The following CDK14 variants were observed in gnomAD, a reference collection of about 807,000 sequenced individuals.
CDK14 encodes the protein cyclin dependent kinase 14, also known as cyclin-dependent kinase 14.
CDK14 carries 34 observed loss-of-function variants against 60.7 expected under a neutral mutation model. That is an observed-to-expected ratio of 0.56 (90% CI 0.43 to 0.75). CDK14 has a LOEUF of 0.75. CDK14 is among the 30% of genes least tolerant of loss of function. CDK14 has a pLI of 0.00. For synonymous variants in CDK14, 197 were observed against 203.7 expected (o/e 0.97, Z 0.28); for missense variants, 482 against 564.1 (o/e 0.85, Z 1.47).
At chr7:91,055,629 A>T (rs1797524755) in intron 11 of CDK14, among the ~76,000 whole-genome samples, 1 of 152,212 alleles carries the variant, frequency 6.6e-6, no homozygotes, top group South Asian at 2.1e-4. Flanking sequence ...TCATATCGCT[A>T]AAGTTGATAT....
rs1801002258 is a variant in CDK14, at chr7:91,156,904, T to A, written c.*28+38696T>A. 2.6e-5 allele frequency among the ~76,000 whole-genome samples: 4 copies of A among 152,282 alleles called. No individual in the cohort carries two copies. In the South Asian group the frequency reaches 8.3e-4, roughly 32 times the overall value. Reference sequence around the variant, plus strand: ...AAATGTTGGGGGTTTGAAATGCCATTTTTGGATGGGCCTTCACTTGGATGA... The same window carrying A: ...AAATGTTGGGGGTTTGAAATGCCATATTTGGATGGGCCTTCACTTGGATGA... On this transcript the variant is annotated intron_variant, in intron 14 of 14. Transcript: ENST00000380050.
At chr7:91,141,799 TTTG>T (rs10654091) in intron 14 of CDK14, among the ~76,000 whole-genome samples, 178 of 150,086 alleles carry the variant, frequency 1.2e-3, no homozygotes, top group Middle Eastern at 3.4e-3. Flanking sequence ...AACAGTGGGT[TTTG>T]TTGTTGTTGT....
intron 11 of CDK14, among the ~76,000 whole-genome samples, chr7:91,076,637 A>G (rs139825977): frequency 7.4e-4 from 112 of 152,362 alleles, no homozygotes; most frequent in African/African-American, 2.5e-3. Context: ...AACAAAAGCT[A>G]AAATTGACAA....
intron 5 of CDK14, among the ~76,000 whole-genome samples, chr7:90,842,443 A>G (rs1790331058): frequency 6.6e-6 from 1 of 152,194 alleles, no homozygotes; most frequent in Non-Finnish European, 1.5e-5. Context: ...GTGATCTGGT[A>G]CTGCAGCCTA....
intron 5 of CDK14, among the ~76,000 whole-genome samples, chr7:90,831,911 C>G (rs536123701): frequency 1.3e-5 from 2 of 152,190 alleles, no homozygotes; most frequent in African/African-American, 2.4e-5. Context: ...TCTCACAGCA[C>G]ATGAGGTTCC....
intron 6 of CDK14, among the ~76,000 whole-genome samples, chr7:90,888,763 T>C (rs1792029158): frequency 6.6e-6 from 1 of 152,222 alleles, no homozygotes; most frequent in Non-Finnish European, 1.5e-5. Flanking sequence ...GTTTTTTTTC[T>C]TCCTTTTTAA....
At chr7:91,179,612 C>T (rs1224804422) in intron 14 of CDK14, among the ~76,000 whole-genome samples, 3 of 151,840 alleles carry the variant, frequency 2.0e-5, no homozygotes, top group Admixed American at 2.0e-4. Context: ...AACATCCTGG[C>T]TAACACGGTG....
At chr7:91,093,291 C>T (rs1366541816) in intron 12 of CDK14, among the ~76,000 whole-genome samples, 7 of 152,122 alleles carry the variant, frequency 4.6e-5, no homozygotes, top group Non-Finnish European at 1.0e-4. Flanking sequence ...GGACCTGAGG[C>T]CAGCATCCTG....
At chr7:91,069,737 G>A (rs1798081938) in intron 11 of CDK14, among the ~76,000 whole-genome samples, 1 of 152,128 alleles carries the variant, frequency 6.6e-6, no homozygotes, top group East Asian at 1.9e-4. Flanking sequence ...ATCCTTTTCA[G>A]GTTAATATAT....
intron 9 of CDK14, among the ~76,000 whole-genome samples, chr7:90,972,018 T>C (rs1794946827): frequency 6.6e-6 from 1 of 152,224 alleles, no homozygotes; most frequent in Non-Finnish European, 1.5e-5. Flanking sequence ...TTTTTACTTT[T>C]GTTTTTATTC....
chr7:90,773,768 G>A (rs79703413), intron 4 of CDK14, among the ~76,000 whole-genome samples: 3,007 of 151,992 alleles, frequency 0.02, 43 homozygotes, highest in Non-Finnish European at 0.029. Context: ...ACTCTGGCTT[G>A]CTTGGTAGGT....
intron 8 of CDK14, among the ~76,000 whole-genome samples, chr7:90,944,405 G>A (rs1008427487): frequency 5.9e-5 from 9 of 152,144 alleles, no homozygotes; most frequent in African/African-American, 1.9e-4. Flanking sequence ...CAGGCCAGAC[G>A]TCATGCCAGG....
intron 4 of CDK14, among the ~76,000 whole-genome samples, chr7:90,757,439 A>C (rs1804124947): frequency 6.6e-6 from 1 of 152,092 alleles, no homozygotes; most frequent in African/African-American, 2.4e-5. Flanking sequence ...AATCCATAAC[A>C]CTTACTAGTG....
At chr7:90,710,571 C>G in intron 2 of CDK14, 4 of 984,110 alleles carry the variant, frequency 4.1e-6, no homozygotes, top group Non-Finnish European at 4.8e-6. Flanking sequence ...GGTCAGTGTG[C>G]TGGTATTTTG....
At chr7:90,901,638 T>G (rs1792507844) in intron 7 of CDK14, among the ~76,000 whole-genome samples, 1 of 151,286 alleles carries the variant, frequency 6.6e-6, no homozygotes, top group South Asian at 2.1e-4. Flanking sequence ...GGTCTTCACT[T>G]TATTCTGCAG....
intron 8 of CDK14, among the ~76,000 whole-genome samples, chr7:90,925,443 G>A (rs115191901): frequency 6.6e-6 from 1 of 152,176 alleles, no homozygotes; most frequent in African/African-American, 2.4e-5. Context: ...GATGGAAAAC[G>A]ATGGAAGATT....
chr7:91,119,353 A>G (rs1473254706), intron 14 of CDK14, among the ~76,000 whole-genome samples: 1 of 152,100 alleles, frequency 6.6e-6, no homozygotes, highest in Non-Finnish European at 1.5e-5. Context: ...TGGTGGTGGC[A>G]TGTGCCTATA....
In CDK14 at chr7:90,611,831, G is replaced by GTT. The variant is rs752667605; in HGVS notation, c.123+7600_123+7601dup. 3.5e-3 allele frequency among the ~76,000 whole-genome samples: 444 copies of GTT among 128,216 alleles called. 3 individuals are homozygous for GTT. The highest frequency in any genetic ancestry group is 0.01 in the South Asian group (41 of 3,948). The allele number at this position is 128,216 out of a possible 152,430, so 84.1% of individuals were successfully genotyped here. A position where few individuals can be genotyped will look rare whatever the true frequency, so the allele number is the denominator to read the frequency against. Reference sequence around the variant, plus strand: ...TCTTATCAAACAGTTATCTTTGTGTGTTTTTTTTTTTTTTTTTTTGAGATG... The same window carrying GTT: ...TCTTATCAAACAGTTATCTTTGTGTGTTTTTTTTTTTTTTTTTTTTTGAGATG... On this transcript the variant is annotated intron_variant, in intron 2 of 14. Coordinates refer to ENST00000380050, the MANE Select transcript of CDK14 (RefSeq NM_001287135.2).
At chr7:90,752,189 C>T (rs1803873191) in intron 4 of CDK14, among the ~76,000 whole-genome samples, 1 of 152,060 alleles carries the variant, frequency 6.6e-6, no homozygotes, top group African/African-American at 2.4e-5. Flanking sequence ...TAGGCATCTA[C>T]AGGATATTCC....
Sources: gnomAD v4.1 joint callset for allele counts (sites outside exome capture counted in the v4.1 genomes callset) on GRCh38, gnomAD v4.1.1 for gene constraint, MANE v1.5 for transcripts, NCBI Gene and HGNC (gene_info 2026-07-23, HGNC 2026-07-21) for gene names.